The following ABCG5 variants were observed in gnomAD, a reference collection of about 807,000 sequenced individuals.
ABCG5 encodes the protein ATP-binding cassette sub-family G member 5.
Under a neutral mutation model 64.5 loss-of-function variants are expected in ABCG5, and 64 were observed. That is an observed-to-expected ratio of 0.99 (90% CI 0.81 to 1.22). The LOEUF is 1.22. Ranked by LOEUF, ABCG5 falls within the 50% of genes most tolerant of loss-of-function variation. ABCG5 has a pLI of 0.00. For synonymous variants in ABCG5, 385 were observed against 326.3 expected (o/e 1.18, Z -1.94); for missense variants, 908 against 829.5 (o/e 1.09, Z -1.16).
Position 43,819,978 on chromosome 2 carries a change from A to G in ABCG5, c.1586T>C (p.Ile529Thr), listed in dbSNP as rs986503686. 7 of 1,614,176 alleles carry G rather than the reference A, an allele frequency of 4.3e-6. No homozygotes were observed. The highest frequency in any genetic ancestry group is 5.9e-6 in the Non-Finnish European group (7 of 1,180,028). ...CAGCAGAGCCACTACACTGTTGACT[A>G]TATTTGGATTTTGGACGATACCAAG... The part of the protein sequence containing the change: ...VLLGIVQNPN[I>T]VNSVVALLSI... The change falls in exon 11 of 13, where the codon ATA becomes ACA. Residue 529 changes from isoleucine (I) to threonine (T), a missense_variant. By Grantham distance (89) the Ile-to-Thr change is moderately conservative (BLOSUM62 -1). Transcript: ENST00000405322.
chr2:43,818,400 C>T (rs559893723), intron 11 of ABCG5, among the ~76,000 whole-genome samples: 30 of 152,186 alleles, frequency 2.0e-4, no homozygotes, highest in South Asian at 8.3e-4. Context: ...GCTGAGATCG[C>T]GCCATTGCAC....
chr2:43,827,635 A>G (rs1433724566), intron 5 of ABCG5, among the ~76,000 whole-genome samples: 1 of 152,192 alleles, frequency 6.6e-6, no homozygotes. Context: ...CTGTGGTCAT[A>G]TCAAAACTCA....
At chr2:43,828,830 G>A (rs1000012088) in intron 4 of ABCG5, among the ~76,000 whole-genome samples, 1 of 150,988 alleles carries the variant, frequency 6.6e-6, no homozygotes, top group Admixed American at 6.6e-5. Flanking sequence ...GCTGGGAGTG[G>A]TGGCAGGCAC....
chr2:43,823,988 G>A lies in ABCG5; in HGVS notation c.1249C>T (p.Gln417Ter). 6.2e-7 allele frequency: 1 copy of A among 1,614,164 alleles called. No individual in the cohort carries two copies. Among genetic ancestry groups the A allele is most frequent in the Non-Finnish European group, 8.5e-7 (1 of 1,180,034 alleles). ...TGGTAAAGGAGACCTACGCGGTCCT[G>A]GATAGCACCCTTTAGCACATTGCTT... ...VRSNVLKGAI[Q>*]DRVGLLYQFV... is the part of the protein sequence containing the mutation. Residue 417 changes from glutamine to a stop codon, truncating the protein, a stop_gained, in exon 9 of 13, where the codon CAG becomes TAG. Transcript: ENST00000405322. LOFTEE classifies it high-confidence loss of function.
At position 43,834,763 on chromosome 2, in the gene ABCG5, C is replaced by G. The variant is rs115178017; in HGVS notation, c.266-2680G>C. Among the ~76,000 whole-genome samples the G allele has an allele frequency of 1.2e-3, 180 of 152,378 alleles. 1 individual carries two copies. Among genetic ancestry groups the G allele is most frequent in the African/African-American group, 4.3e-3 (178 of 41,596 alleles). Reference sequence around the variant, plus strand: ...TGCAAAGAAGCATCTAACCCAGAGTCTACGCCCTCCTCAACAGCAAATAAC... The same window carrying G: ...TGCAAAGAAGCATCTAACCCAGAGTGTACGCCCTCCTCAACAGCAAATAAC... On this transcript the variant is annotated intron_variant, in intron 2 of 12. Transcript: ENST00000405322.
In ABCG5 at chr2:43,824,006, C is replaced by T; in HGVS notation, c.1231G>A (p.Val411Met). ...LFFVLRVRSN[V>M]LKGAIQDRVG... ...CGGTCCTGGATAGCACCCTTTAGCA[C>T]ATTGCTTCGGACCCGCAGAACGAAG... Residue 411 changes from valine (V) to methionine (M), a missense_variant, in exon 9 of 13, where the codon GTG becomes ATG. Val to Met is a conservative substitution (Grantham distance 21, BLOSUM62 1). Transcript: ENST00000405322. 2 of 1,614,208 alleles carry T rather than the reference C, an allele frequency of 1.2e-6. No homozygotes were observed. The highest frequency in any genetic ancestry group is 1.7e-6 in the Non-Finnish European group (2 of 1,180,036).
At chr2:43,819,715 G>T (rs539165951) in intron 11 of ABCG5, among the ~76,000 whole-genome samples, 200 bp downstream of exon 11, 42 of 152,112 alleles carry the variant, frequency 2.8e-4, no homozygotes, top group South Asian at 2.3e-3. Flanking sequence ...CCTGATTCCC[G>T]ATAAAAAAGA....
the ABCG5 span, among the ~76,000 whole-genome samples, chr2:43,807,195 C>T: frequency 6.6e-6 from 1 of 152,012 alleles, no homozygotes; most frequent in Non-Finnish European, 1.5e-5. Context: ...GCTGTGAAGT[C>T]AGTCCTCAAG....
downstream of ABCG5, chr2:43,810,580 A>G: frequency 1.1e-6 from 1 of 923,284 alleles, no homozygotes; most frequent in South Asian, 5.0e-5. Context: ...CCATGTCCAC[A>G]TACAAAATAT....
At chr2:43,810,772 A>C (rs1281756856), downstream of ABCG5, among the ~76,000 whole-genome samples, 4 of 152,332 alleles carry the variant, frequency 2.6e-5, no homozygotes, top group East Asian at 5.8e-4. Flanking sequence ...AGTCTTTAGC[A>C]CACGTTTCTT....
chr2:43,823,810 C>G, intron 9 of ABCG5, 103 bp downstream of exon 9: 8 of 1,380,128 alleles, frequency 5.8e-6, no homozygotes, highest in Non-Finnish European at 7.9e-6. Flanking sequence ...CTGGGTTTAG[C>G]TCAGAGAAAA....
intron 4 of ABCG5, among the ~76,000 whole-genome samples, chr2:43,829,749 G>A (rs931825424): frequency 2.6e-5 from 4 of 152,082 alleles, no homozygotes; most frequent in Non-Finnish European, 5.9e-5. Context: ...TAATAAGGCC[G>A]TGTTATGAAA....
At chr2:43,821,331 C>G (rs562233139) in intron 10 of ABCG5, among the ~76,000 whole-genome samples, 1 of 152,296 alleles carries the variant, frequency 6.6e-6, no homozygotes, top group African/African-American at 2.4e-5. Context: ...GCTCTTTAAC[C>G]TTCTTGATGA....
At chr2:43,809,931 G>T, downstream of ABCG5, 2 of 1,348,544 alleles carry the variant, frequency 1.5e-6, no homozygotes, top group Non-Finnish European at 1.9e-6. Flanking sequence ...ATATCTTGAA[G>T]CTTTTTAAAA....
rs756933364 is a variant in ABCG5 at position 43,813,146 on chromosome 2, G to A, written c.1926C>T (p.Phe642=). The A allele has an allele frequency of 7.0e-7, 1 of 1,437,516 alleles. No homozygotes were observed. The highest frequency in any genetic ancestry group is 9.8e-7 in the Non-Finnish European group (1 of 1,019,680). 89.0% of individuals were successfully genotyped at this position (1,437,516 alleles called of 1,614,324 possible). ...TGCTAATGAGATGATCCCTTATTTT[G>A]AAAACAACTATTCCTAGGATGACAA... ...PALVILGIVV[F]KIRDHLISR The change falls in exon 13 of 13, where the codon TTC becomes TTT. Residue 642 remains phenylalanine (F), a synonymous_variant. Coordinates refer to ENST00000405322, the MANE Select transcript of ABCG5 (RefSeq NM_022436.3).
In ABCG5 at chr2:43,814,504, C is replaced by A. The variant is rs777728065; in HGVS notation, c.1735G>T (p.Glu579Ter). Residue 579 changes from glutamate (E) to a stop codon, truncating the protein, a stop_gained, in exon 12 of 13, where the codon GAG becomes TAG. Coordinates refer to ENST00000405322, the MANE Select transcript of ABCG5 (RefSeq NM_022436.3). LOFTEE classifies it high-confidence loss of function. Reference sequence around the variant, plus strand: ...CAAGTGAAATTCAGTCCGTAGAACTCATTGACTACAAGAATCTCACTGCAA... The same window carrying A: ...CAAGTGAAATTCAGTCCGTAGAACTAATTGACTACAAGAATCTCACTGCAA... The part of the protein sequence containing the change: ...KYCSEILVVN[E>*]FYGLNFTCGS... 2 of 1,607,626 alleles carry A rather than the reference C, an allele frequency of 1.2e-6. No individual in the cohort carries two copies. The highest frequency in any genetic ancestry group is 1.7e-6 in the Non-Finnish European group (2 of 1,174,474).
At chr2:43,806,615 T>G in the ABCG5 span, among the ~76,000 whole-genome samples, 26,720 of 152,220 alleles carry the variant, frequency 0.18, 2,502 homozygotes, top group Middle Eastern at 0.24. Flanking sequence ...AATATTTATC[T>G]AGGAGTCAAT....
At chr2:43,832,315 G>C in intron 2 of ABCG5, 1 of 604,264 alleles carries the variant, frequency 1.7e-6, no homozygotes, top group Non-Finnish European at 2.9e-6. Flanking sequence ...TGAGTGAGAG[G>C]GGACATGCCA....
intron 2 of ABCG5, among the ~76,000 whole-genome samples, chr2:43,835,759 T>A (rs1346109616): frequency 6.6e-6 from 1 of 152,004 alleles, no homozygotes; most frequent in Non-Finnish European, 1.5e-5. Flanking sequence ...AAGGTTAGGG[T>A]GAGAAAATGG....
Sources: allele counts gnomAD v4.1 joint callset (sites outside exome capture counted in the v4.1 genomes callset), GRCh38; gene constraint gnomAD v4.1.1; transcripts MANE v1.5; gene names NCBI Gene and HGNC (gene_info 2026-07-23, HGNC 2026-07-21).